The following GABRG3 variants were observed in gnomAD, a reference collection of about 807,000 sequenced individuals.
GABRG3 encodes gamma-aminobutyric acid receptor subunit gamma-3.
GABRG3 carries 25 observed loss-of-function variants against 48.8 expected under a neutral mutation model. That is an observed-to-expected ratio of 0.51 (90% CI 0.37 to 0.72). GABRG3 has a LOEUF of 0.72. GABRG3 is among the 30% of genes least tolerant of loss of function. GABRG3 has a pLI of 0.00. For synonymous variants in GABRG3, 227 were observed against 217.6 expected, an observed-to-expected ratio of 1.04 and a Z score of -0.38; for missense variants, 394 against 577.9, an observed-to-expected ratio of 0.68 and a Z score of 3.26.
chr15:27,223,820 A>T (rs1306317595), intron 3 of GABRG3, among the ~76,000 whole-genome samples: 1 of 152,154 alleles, frequency 6.6e-6, no homozygotes, highest in Non-Finnish European at 1.5e-5. Flanking sequence ...CCACGTCCTC[A>T]TTGCAGGCAC....
chr15:27,186,536 T>G (rs1417758237), intron 3 of GABRG3, among the ~76,000 whole-genome samples: 4 of 152,210 alleles, frequency 2.6e-5, no homozygotes, highest in Non-Finnish European at 5.9e-5. Context: ...TATCCAGTAA[T>G]GGGATTGCTG....
intron 3 of GABRG3, among the ~76,000 whole-genome samples, chr15:27,129,677 T>G (rs1021581280): frequency 3.0e-4 from 45 of 152,010 alleles, no homozygotes; most frequent in African/African-American, 1.1e-3. Flanking sequence ...TGCCAATTTC[T>G]CCACATCCTC....
At chr15:27,207,855 T>G (rs1171243369) in intron 3 of GABRG3, among the ~76,000 whole-genome samples, 1 of 152,076 alleles carries the variant, frequency 6.6e-6, no homozygotes, top group African/African-American at 2.4e-5. Context: ...AGGACTTCCC[T>G]CTCTGAGTCC....
intron 3 of GABRG3, among the ~76,000 whole-genome samples, chr15:27,282,378 G>A (rs764080104): frequency 2.5e-4 from 38 of 152,108 alleles, no homozygotes; most frequent in Non-Finnish European, 4.7e-4. Context: ...ACAAGTCCCC[G>A]AGGCCCTGCT....
intron 3 of GABRG3, among the ~76,000 whole-genome samples, chr15:27,292,678 A>C (rs1433263426): frequency 6.6e-6 from 1 of 152,156 alleles, no homozygotes; most frequent in Non-Finnish European, 1.5e-5. Context: ...CAAAACAAAA[A>C]ATAATAATAA....
intron 3 of GABRG3, among the ~76,000 whole-genome samples, chr15:27,156,384 A>AATTCT: frequency 6.6e-6 from 1 of 151,028 alleles, no homozygotes; most frequent in African/African-American, 2.4e-5. Context: ...AACTAGAGAG[A>AATTCT]GCTGGCTTCT....
chr15:27,078,331 TTC>T (rs1439798202), intron 3 of GABRG3, among the ~76,000 whole-genome samples: 1 of 152,222 alleles, frequency 6.6e-6, no homozygotes. Flanking sequence ...AAATCTCTCT[TTC>T]TCGACATCCT....
At chr15:27,338,350 C>A (rs939591638) in intron 5 of GABRG3, among the ~76,000 whole-genome samples, 2 of 152,168 alleles carry the variant, frequency 1.3e-5, no homozygotes, top group Non-Finnish European at 2.9e-5. Context: ...TGATGCCCCC[C>A]ACCCCAGGCA....
At chr15:26,997,393 T>C (rs1358284296) in intron 2 of GABRG3, among the ~76,000 whole-genome samples, 1 of 152,206 alleles carries the variant, frequency 6.6e-6, no homozygotes, top group African/African-American at 2.4e-5. Context: ...TACTTACCCA[T>C]TTATTTGCAT....
intron 3 of GABRG3, among the ~76,000 whole-genome samples, chr15:27,293,690 C>CAA (rs534211544): frequency 4.2e-4 from 58 of 137,886 alleles, no homozygotes; most frequent in African/African-American, 1.3e-3. Flanking sequence ...AAAAAACAAA[C>CAA]AAAAAAAAAA....
Position 27,313,272 on chromosome 15 carries a change from A to G in GABRG3, c.271-13537A>G, listed in dbSNP as rs1289521442. Among the ~76,000 whole-genome samples, 594 of 61,786 alleles carry G rather than the reference A, an allele frequency of 9.6e-3. 7 individuals carry two copies. Among genetic ancestry groups the G allele is most frequent in the South Asian group, 0.019 (29 of 1,556 alleles). The allele number at this position is 61,786 out of a possible 152,430, so 40.5% of individuals were successfully genotyped here. Reference sequence around the variant, plus strand: ...TGTGTGTGTGTGTGTGTATATATATATATATATATATATATATATATATAT... The same window carrying G: ...TGTGTGTGTGTGTGTGTATATATATGTATATATATATATATATATATATAT... On this transcript the variant is annotated intron_variant, in intron 3 of 9. Transcript: ENST00000615808.
chr15:27,244,216 G>A (rs1890209626), intron 3 of GABRG3, among the ~76,000 whole-genome samples: 1 of 152,222 alleles, frequency 6.6e-6, no homozygotes, highest in African/African-American at 2.4e-5. Context: ...TCACTGAGCT[G>A]TGGGAGTTGT....
chr15:27,243,869 G>A (rs531023003), intron 3 of GABRG3, among the ~76,000 whole-genome samples: 9 of 152,172 alleles, frequency 5.9e-5, no homozygotes, highest in South Asian at 2.1e-4. Context: ...TCAACTTTAC[G>A]CACTCAGTGT....
intron 3 of GABRG3, among the ~76,000 whole-genome samples, chr15:27,039,807 T>A (rs944582317): frequency 2.0e-5 from 3 of 152,216 alleles, no homozygotes; most frequent in Admixed American, 2.0e-4. Flanking sequence ...CACCCCTCGC[T>A]GTCACCCCGC....
intron 3 of GABRG3, among the ~76,000 whole-genome samples, chr15:27,322,082 A>T (rs1405699747): frequency 1.3e-5 from 2 of 152,258 alleles, no homozygotes; most frequent in Non-Finnish European, 2.9e-5. Context: ...TTTCAGATAG[A>T]CATTGTAAGA....
intron 3 of GABRG3, among the ~76,000 whole-genome samples, chr15:27,077,089 A>G (rs1408482574): frequency 3.3e-5 from 5 of 152,204 alleles, no homozygotes; most frequent in Non-Finnish European, 1.5e-5. Flanking sequence ...TGCTTGACCT[A>G]TCTGTCTTCC....
intron 6 of GABRG3, among the ~76,000 whole-genome samples, chr15:27,504,494 A>G (rs1275412526): frequency 6.6e-6 from 1 of 152,194 alleles, no homozygotes; most frequent in East Asian, 1.9e-4. Flanking sequence ...ACAAGAGTAC[A>G]CTTATATTTC....
At chr15:27,173,370 A>G (rs1429826863) in intron 3 of GABRG3, among the ~76,000 whole-genome samples, 1 of 152,190 alleles carries the variant, frequency 6.6e-6, no homozygotes, top group Non-Finnish European at 1.5e-5. Flanking sequence ...TCAAACTTAC[A>G]TACCCATTAT....
chr15:27,506,726 GTTAA>G (rs1397684373), intron 6 of GABRG3, among the ~76,000 whole-genome samples: 1 of 152,082 alleles, frequency 6.6e-6, no homozygotes, highest in Non-Finnish European at 1.5e-5. Context: ...GCAATCAATT[GTTAA>G]TGTAGCAGTA....
Sources: gnomAD v4.1 joint callset for allele counts (sites outside exome capture counted in the v4.1 genomes callset) on GRCh38, gnomAD v4.1.1 for gene constraint, MANE v1.5 for transcripts, NCBI Gene and HGNC (gene_info 2026-07-23, HGNC 2026-07-21) for gene names.